Variants in MKLN1 observed in about 807,000 individuals in gnomAD.
MKLN1 encodes muskelin 1.
Under a neutral mutation model 99.0 loss-of-function variants are expected in MKLN1, and 18 were observed. That is an observed-to-expected ratio of 0.18 (90% CI 0.13 to 0.27). The LOEUF (loss-of-function observed/expected upper bound fraction) is 0.27. MKLN1 is among the 10% of genes least tolerant of loss of function. The pLI is 1.00. For synonymous variants in MKLN1, 288 were observed against 293.2 expected (o/e 0.98, Z 0.18); for missense variants, 621 against 875.9 (o/e 0.71, Z 3.67).
chr7:131,119,721 T>G (rs1333851356), intron 1 of MKLN1, among the ~76,000 whole-genome samples: 1 of 152,192 alleles, frequency 6.6e-6, no homozygotes, highest in Non-Finnish European at 1.5e-5. Flanking sequence ...CCACCAAAAC[T>G]TGGGGCTTAC....
At chr7:131,424,280 C>T (rs985421657) in intron 8 of MKLN1, among the ~76,000 whole-genome samples, 6 of 151,898 alleles carry the variant, frequency 4.0e-5, no homozygotes, top group African/African-American at 1.2e-4. Flanking sequence ...TTTCACCAGC[C>T]TGTTAACCCT....
At chr7:131,442,969 ATGTCCTT>A (rs1358907573) in intron 10 of MKLN1, among the ~76,000 whole-genome samples, 2 of 152,200 alleles carry the variant, frequency 1.3e-5, no homozygotes, top group Non-Finnish European at 2.9e-5. Context: ...ATTGTTGTAA[ATGTCCTT>A]TTGTTTGTTT....
chr7:131,183,338 C>CTA (rs1462627208), intron 2 of MKLN1, among the ~76,000 whole-genome samples: 2 of 152,144 alleles, frequency 1.3e-5, no homozygotes, highest in Non-Finnish European at 2.9e-5. Flanking sequence ...TTCTGAGGAC[C>CTA]TATACTCAGC....
Position 131,292,527 on chromosome 7 carries a change from C to T in MKLN1, c.-178-82897C>T, listed in dbSNP as rs540115653. ...TCAAGATACTGGAGTAGGGTGGGCT[C>T]CTAATCCAATCTGACTGCTGTCCTT... On this transcript the variant is annotated intron_variant, in intron 3 of 7. Transcript: ENST00000416992. Among the ~76,000 whole-genome samples, 10 of 152,222 alleles carry T rather than the reference C, an allele frequency of 6.6e-5. No individual in the cohort carries two copies. In the South Asian group the frequency reaches 1.2e-3, roughly 19 times the overall value.
chr7:131,128,834 A>T (rs981506467), intron 1 of MKLN1, among the ~76,000 whole-genome samples: 1 of 150,950 alleles, frequency 6.6e-6, no homozygotes, highest in South Asian at 2.1e-4. Flanking sequence ...TCCTGGACTC[A>T]GGTGATCCTT....
intron 15 of MKLN1, among the ~76,000 whole-genome samples, chr7:131,470,025 G>A (rs991165199): frequency 1.3e-5 from 2 of 152,008 alleles, no homozygotes; most frequent in Non-Finnish European, 2.9e-5. Context: ...GTAGGCATGT[G>A]CCACCGCACC....
chr7:131,320,930 A>G (rs972149420), intron 3 of MKLN1, among the ~76,000 whole-genome samples: 4 of 152,218 alleles, frequency 2.6e-5, no homozygotes, highest in Non-Finnish European at 5.9e-5. Context: ...TCAGGAAACA[A>G]CAGATGCTGG....
chr7:131,203,198 G>A (rs990418504), intron 3 of MKLN1, among the ~76,000 whole-genome samples: 1 of 152,162 alleles, frequency 6.6e-6, no homozygotes, highest in Non-Finnish European at 1.5e-5. Context: ...TGTATTTTTA[G>A]GCAGGAGTGG....
intron 2 of MKLN1, among the ~76,000 whole-genome samples, chr7:131,171,588 C>T (rs1230707884): frequency 6.6e-6 from 1 of 152,086 alleles, no homozygotes; most frequent in African/African-American, 2.4e-5. Flanking sequence ...TCCCAAGTAG[C>T]TGGGATTACA....
At chr7:131,263,675 G>C (rs974109433) in intron 3 of MKLN1, among the ~76,000 whole-genome samples, 18 of 151,636 alleles carry the variant, frequency 1.2e-4, no homozygotes, top group African/African-American at 4.4e-4. Context: ...GGGTTCAAGC[G>C]ATTCTCCTAC....
intron 3 of MKLN1, among the ~76,000 whole-genome samples, chr7:131,251,112 T>TGA (rs1797571330): frequency 6.6e-6 from 1 of 151,018 alleles, no homozygotes; most frequent in Non-Finnish European, 1.5e-5. Flanking sequence ...TGTGTGTGTG[T>TGA]GTGTGTGTGT....
At chr7:131,380,788 T>C (rs1049160263) in intron 2 of MKLN1, among the ~76,000 whole-genome samples, 55 of 152,208 alleles carry the variant, frequency 3.6e-4, no homozygotes, top group Non-Finnish European at 4.7e-4. Flanking sequence ...AATCATACGG[T>C]AATTGCAAGG....
chr7:131,468,791 A>T (rs1351729052), intron 15 of MKLN1, among the ~76,000 whole-genome samples: 1 of 152,214 alleles, frequency 6.6e-6, no homozygotes, highest in Non-Finnish European at 1.5e-5. Flanking sequence ...TAGCTTAGAA[A>T]ATGAAGATGG....
At chr7:131,459,187 TC>T (rs1327789891) in intron 12 of MKLN1, among the ~76,000 whole-genome samples, 3 of 152,200 alleles carry the variant, frequency 2.0e-5, no homozygotes, top group African/African-American at 7.2e-5. Flanking sequence ...TTCAGATTCT[TC>T]TTGGCCCCTC....
At chr7:131,429,278 T>A (rs1795454220) in intron 9 of MKLN1, 133 bp downstream of exon 9, 1 of 551,792 alleles carries the variant, frequency 1.8e-6, no homozygotes, top group African/African-American at 1.9e-5. Context: ...AAACAAGTTT[T>A]TTTTAAGTAC....
chr7:131,437,558 A>G (rs1025983352), intron 9 of MKLN1, among the ~76,000 whole-genome samples: 11 of 152,154 alleles, frequency 7.2e-5, no homozygotes, highest in African/African-American at 2.4e-5. Context: ...GGTAGATTTT[A>G]AGCATTTCTA....
chr7:131,293,932 A>G (rs1798255496), intron 3 of MKLN1, among the ~76,000 whole-genome samples: 1 of 152,138 alleles, frequency 6.6e-6, no homozygotes, highest in Middle Eastern at 3.2e-3. Flanking sequence ...GGACTAGGTC[A>G]TTCTTTGTTG....
At chr7:131,482,872 G>A (rs1463259672) in intron 17 of MKLN1, among the ~76,000 whole-genome samples, 1 of 152,164 alleles carries the variant, frequency 6.6e-6, no homozygotes, top group East Asian at 1.9e-4. Context: ...CCCCACAGTA[G>A]CCCTATGAAG....
intron 1 of MKLN1, among the ~76,000 whole-genome samples, chr7:131,113,667 CAAA>C (rs71168363): frequency 6.2e-5 from 6 of 96,444 alleles, no homozygotes; most frequent in Admixed American, 1.1e-4. Flanking sequence ...TACAAAAATA[CAAA>C]AAAAAAAAAA....
Sources: gnomAD v4.1 joint callset for allele counts (sites outside exome capture counted in the v4.1 genomes callset) on GRCh38, gnomAD v4.1.1 for gene constraint, MANE v1.5 for transcripts, NCBI Gene and HGNC (gene_info 2026-07-23, HGNC 2026-07-21) for gene names.